The following EDIL3 variants were observed in gnomAD, a reference collection of about 807,000 sequenced individuals.
EDIL3 encodes EGF like and discoidin domains 3.
In EDIL3, 37 loss-of-function variants were observed where a neutral mutation model predicts 67.4. The observed-to-expected ratio is 0.55, with a 90% CI of 0.42 to 0.72. The LOEUF (loss-of-function observed/expected upper bound fraction) is 0.72, where lower values mean the gene tolerates loss of function less well. Ranked by LOEUF, EDIL3 falls within the 30% of genes least tolerant of loss-of-function variation. The probability of loss-of-function intolerance (pLI) is 0.00; values close to 1 mark genes in which losing one functional copy is unlikely to be tolerated. For synonymous variants in EDIL3, 195 were observed against 196.3 expected (o/e 0.99, Z 0.05); for missense variants, 527 against 586.3 (o/e 0.90, Z 1.04).
chr5:84,201,354 G>C (rs888640599), intron 3 of EDIL3, among the ~76,000 whole-genome samples: 2 of 152,022 alleles, frequency 1.3e-5, no homozygotes, highest in African/African-American at 4.8e-5. Context: ...GTAAATAAAT[G>C]TATTTACAAT....
intron 7 of EDIL3, among the ~76,000 whole-genome samples, chr5:84,065,631 G>A (rs2112240544): frequency 6.9e-6 from 1 of 144,456 alleles, no homozygotes; most frequent in Admixed American, 7.1e-5. Flanking sequence ...CAAAAGAATT[G>A]AGAATATCAT....
chr5:84,116,861 T>C (rs1002044055), intron 5 of EDIL3, among the ~76,000 whole-genome samples: 1 of 152,164 alleles, frequency 6.6e-6, no homozygotes, highest in Non-Finnish European at 1.5e-5. Context: ...TCATACATTA[T>C]CTCTTATTCA....
At chr5:84,271,013 T>G (rs935642898) in intron 1 of EDIL3, among the ~76,000 whole-genome samples, 2 of 152,236 alleles carry the variant, frequency 1.3e-5, no homozygotes, top group African/African-American at 4.8e-5. Context: ...ACCACGAATT[T>G]GTGACACAGT....
chr5:84,069,015 G>T (rs2112243725), intron 6 of EDIL3, among the ~76,000 whole-genome samples: 1 of 152,210 alleles, frequency 6.6e-6, no homozygotes. Context: ...AAATAACAAT[G>T]GCTAAAAGGT....
intron 10 of EDIL3, among the ~76,000 whole-genome samples, chr5:83,951,171 T>C (rs1250822156): frequency 1.3e-5 from 2 of 151,732 alleles, no homozygotes; most frequent in Admixed American, 1.3e-4. Flanking sequence ...GCAGGTTCCA[T>C]AGTCTCTCTT....
chr5:84,047,752 TA>T (rs1312371603), intron 9 of EDIL3: 1 of 152,108 alleles, frequency 6.6e-6, no homozygotes, highest in Non-Finnish European at 1.5e-5. Flanking sequence ...AGTATTGATA[TA>T]ATTTGTCAGC....
chr5:84,166,973 C>T (rs74830860), intron 4 of EDIL3, among the ~76,000 whole-genome samples: 2,128 of 152,098 alleles, frequency 0.014, 48 homozygotes, highest in African/African-American at 0.049. Flanking sequence ...TCAAGAGAGA[C>T]GAACAGGAAC....
intron 1 of EDIL3, among the ~76,000 whole-genome samples, chr5:84,268,388 A>G (rs950725932): frequency 1.3e-5 from 2 of 152,194 alleles, no homozygotes; most frequent in Non-Finnish European, 2.9e-5. Flanking sequence ...TATGCTTAGA[A>G]AAATAAGATT....
intron 5 of EDIL3, among the ~76,000 whole-genome samples, chr5:84,134,714 T>A (rs1748057579): frequency 6.6e-6 from 1 of 152,162 alleles, no homozygotes; most frequent in Non-Finnish European, 1.5e-5. Flanking sequence ...TAATTTGTTA[T>A]ATGTCCTTAA....
At chr5:84,075,770 C>T (rs995334797) in intron 6 of EDIL3, among the ~76,000 whole-genome samples, 4 of 151,806 alleles carry the variant, frequency 2.6e-5, no homozygotes, top group African/African-American at 4.8e-5. Context: ...CCACTGTGCC[C>T]GGCCCACAGG....
At chr5:83,990,635 T>A (rs1580268257) in intron 9 of EDIL3, among the ~76,000 whole-genome samples, 1 of 151,330 alleles carries the variant, frequency 6.6e-6, no homozygotes, top group Non-Finnish European at 1.5e-5. Flanking sequence ...AATCCCAGCA[T>A]TTTGGGAGGC....
At chr5:84,286,512 A>G (rs1057181502) in intron 1 of EDIL3, among the ~76,000 whole-genome samples, 2 of 152,214 alleles carry the variant, frequency 1.3e-5, no homozygotes, top group African/African-American at 4.8e-5. Context: ...CAGTTACACT[A>G]TGAATCAAGA....
chr5:84,021,905 A>G (rs765785612), intron 9 of EDIL3, among the ~76,000 whole-genome samples: 2 of 152,012 alleles, frequency 1.3e-5, no homozygotes, highest in Non-Finnish European at 2.9e-5. Flanking sequence ...TGAACCAGTA[A>G]TAAAAAGTCT....
At chr5:84,091,974 G>A (rs1222709143) in intron 6 of EDIL3, among the ~76,000 whole-genome samples, 1 of 152,114 alleles carries the variant, frequency 6.6e-6, no homozygotes, top group Non-Finnish European at 1.5e-5. Context: ...TACCAACATA[G>A]GAGAAGAGTT....
intron 3 of EDIL3, among the ~76,000 whole-genome samples, chr5:84,215,557 G>A (rs1437875322): frequency 6.6e-6 from 1 of 152,086 alleles, no homozygotes; most frequent in African/African-American, 2.4e-5. Flanking sequence ...CAGTTAAGAT[G>A]GGCAGATATT....
intron 4 of EDIL3, among the ~76,000 whole-genome samples, chr5:84,161,373 T>A (rs1395960099): frequency 2.0e-5 from 3 of 152,070 alleles, no homozygotes; most frequent in East Asian, 3.9e-4. Context: ...TCGGGTCTAG[T>A]TATCTGGACA....
chr5:84,326,114 A>G (rs1746750979), intron 1 of EDIL3, among the ~76,000 whole-genome samples: 1 of 152,052 alleles, frequency 6.6e-6, no homozygotes, highest in Non-Finnish European at 1.5e-5. Flanking sequence ...AGCTTGTTAT[A>G]AAACCCAGTT....
At chr5:83,950,490 G>A (rs2112116408) in intron 10 of EDIL3, among the ~76,000 whole-genome samples, 1 of 151,960 alleles carries the variant, frequency 6.6e-6, no homozygotes, top group Middle Eastern at 3.4e-3. Flanking sequence ...GCGCCAGCGT[G>A]TGACAGACAT....
chr5:84,326,928 T>C, intron 1 of EDIL3, among the ~76,000 whole-genome samples: 1 of 151,948 alleles, frequency 6.6e-6, no homozygotes, highest in East Asian at 1.9e-4. Context: ...TACAATCTAA[T>C]TTTTAGATGT....
Sources: allele counts gnomAD v4.1 joint callset (sites outside exome capture counted in the v4.1 genomes callset), GRCh38; gene constraint gnomAD v4.1.1; transcripts MANE v1.5; gene names NCBI Gene and HGNC (gene_info 2026-07-23, HGNC 2026-07-21).